The following PSMD1 variants were observed in gnomAD, a reference collection of about 807,000 sequenced individuals.
PSMD1 encodes the protein proteasome 26S subunit, non-ATPase 1.
PSMD1 carries 18 observed loss-of-function variants against 119.0 expected under a neutral mutation model. That is an observed-to-expected ratio of 0.15 (90% CI 0.10 to 0.22). The LOEUF is 0.22. Among genes scored for constraint, PSMD1 ranks in the 10% least tolerant of loss-of-function variants. The probability of loss-of-function intolerance (pLI) is 1.00; values close to 1 mark genes in which losing one functional copy is unlikely to be tolerated. For synonymous variants in PSMD1, 374 were observed against 396.6 expected, an observed-to-expected ratio of 0.94 and a Z score of 0.68; for missense variants, 702 against 1,158.5, an observed-to-expected ratio of 0.61 and a Z score of 5.72.
At chr2:231,104,068 A>G (rs578107574) in intron 16 of PSMD1, among the ~76,000 whole-genome samples, 2 of 149,726 alleles carry the variant, frequency 1.3e-5, no homozygotes, top group Admixed American at 1.3e-4. Context: ...CATCCTACTC[A>G]TGTTTGACTC....
chr2:231,068,846 CT>C (rs1349373413), intron 5 of PSMD1, among the ~76,000 whole-genome samples: 4 of 152,076 alleles, frequency 2.6e-5, no homozygotes, highest in Non-Finnish European at 5.9e-5. Context: ...AAACTGCTTC[CT>C]TTAATTGAAA....
intron 16 of PSMD1, among the ~76,000 whole-genome samples, chr2:231,094,353 A>G (rs1694674734): frequency 6.6e-6 from 1 of 152,180 alleles, no homozygotes; most frequent in Non-Finnish European, 1.5e-5. Flanking sequence ...GTTCATTGCC[A>G]TAAGCCAATG....
intron 19 of PSMD1, among the ~76,000 whole-genome samples, chr2:231,160,141 T>C (rs1224652420): frequency 6.6e-6 from 1 of 152,238 alleles, no homozygotes; most frequent in Non-Finnish European, 1.5e-5. Context: ...GCAGCTCTGA[T>C]TTCATTCCTT....
chr2:231,095,855 T>C (rs1694711367), intron 16 of PSMD1, among the ~76,000 whole-genome samples: 1 of 152,244 alleles, frequency 6.6e-6, no homozygotes, highest in African/African-American at 2.4e-5. Context: ...CCAGACCTTT[T>C]GGGAATGACG....
chr2:231,150,242 G>T (rs1242570525), intron 18 of PSMD1, among the ~76,000 whole-genome samples: 1 of 152,042 alleles, frequency 6.6e-6, no homozygotes, highest in East Asian at 1.9e-4. Flanking sequence ...AGCTACTTGG[G>T]AGGCTGAGGC....
At chr2:231,119,526 A>C (rs1449593704) in intron 16 of PSMD1, among the ~76,000 whole-genome samples, 1 of 152,150 alleles carries the variant, frequency 6.6e-6, no homozygotes, top group Admixed American at 6.5e-5. Context: ...ATACTCTTTC[A>C]GCTATACCAC....
intron 6 of PSMD1, among the ~76,000 whole-genome samples, chr2:231,071,960 A>T (rs1264184709): frequency 6.6e-6 from 1 of 152,232 alleles, no homozygotes. Flanking sequence ...GCACAGCATT[A>T]AGAGTTATAA....
chr2:231,123,791 G>A lies in PSMD1; in HGVS notation c.1884-14945G>A, dbSNP rs370358339. 2.6e-5 allele frequency: 40 copies of A among 1,511,906 alleles called. 1 individual carries two copies. The highest frequency in any genetic ancestry group is 2.4e-4 in the South Asian group (21 of 88,866). 93.7% of individuals were successfully genotyped at this position (1,511,906 alleles called of 1,614,324 possible). A position where few individuals can be genotyped will look rare whatever the true frequency, so the allele number is the denominator to read the frequency against. ...TGCTGTTTTTCTGTGATTCAATCCC[G>A]TTCCGAACAGTGGTCAGCATGGTTA... On this transcript the variant is annotated intron_variant, in intron 16 of 24. Transcript: ENST00000308696.
At chr2:231,137,450 A>C (rs1696001756) in intron 16 of PSMD1, among the ~76,000 whole-genome samples, 1 of 152,174 alleles carries the variant, frequency 6.6e-6, no homozygotes, top group South Asian at 2.1e-4. Context: ...GTTTTGTCTC[A>C]GTAAATGTTT....
At chr2:231,127,159 G>C (rs1695743248) in intron 16 of PSMD1, among the ~76,000 whole-genome samples, 1 of 151,540 alleles carries the variant, frequency 6.6e-6, no homozygotes, top group Non-Finnish European at 1.5e-5. Context: ...ATTCATGTGA[G>C]ACAATTTTAA....
intron 11 of PSMD1, 61 bp from the exon 12 acceptor site, chr2:231,080,080 C>A: frequency 7.0e-7 from 1 of 1,428,158 alleles, no homozygotes; most frequent in South Asian, 1.4e-5. Flanking sequence ...TCATAGAAAA[C>A]ATTGTCTTTT....
At chr2:231,100,467 A>G (rs1694837900) in intron 16 of PSMD1, among the ~76,000 whole-genome samples, 1 of 152,198 alleles carries the variant, frequency 6.6e-6, no homozygotes, top group Non-Finnish European at 1.5e-5. Context: ...AGCAGGTAGC[A>G]GGTAATTGGA....
intron 12 of PSMD1, among the ~76,000 whole-genome samples, chr2:231,081,188 G>A (rs1441049659): frequency 6.8e-6 from 1 of 147,648 alleles, no homozygotes; most frequent in Non-Finnish European, 1.5e-5. Flanking sequence ...ATAGGATGAT[G>A]TCTCAATTAA....
At chr2:231,151,641 C>CT (rs150015530) in intron 18 of PSMD1, among the ~76,000 whole-genome samples, 3,639 of 151,818 alleles carry the variant, frequency 0.024, 146 homozygotes, top group African/African-American at 0.084. Context: ...ACATTCAGTG[C>CT]TTTGTTCTAT....
intron 17 of PSMD1, among the ~76,000 whole-genome samples, chr2:231,144,082 ATTTTTCT>A (rs1029532677): frequency 5.0e-4 from 76 of 151,888 alleles, no homozygotes; most frequent in African/African-American, 1.6e-3. Flanking sequence ...GTTTATTACT[ATTTTTCT>A]TTTTTCTTTT....
intron 21 of PSMD1, 89 bp downstream of exon 21, chr2:231,163,816 TTAAAAG>T (rs1468219890): frequency 1.1e-6 from 1 of 939,120 alleles, no homozygotes; most frequent in Non-Finnish European, 1.6e-6. Flanking sequence ...CTTTTATGTT[TTAAAAG>T]TAACACTTCT....
At chr2:231,108,618 G>A (rs372246787) in intron 16 of PSMD1, 33 of 1,613,746 alleles carry the variant, frequency 2.0e-5, no homozygotes, top group East Asian at 1.6e-4. Flanking sequence ...GTTGAACTTC[G>A]GAGCCTCATT....
chr2:231,141,531 G>GC (rs1405615635), intron 17 of PSMD1, among the ~76,000 whole-genome samples: 1 of 149,168 alleles, frequency 6.7e-6, no homozygotes, highest in African/African-American at 2.5e-5. Flanking sequence ...CCAGTCTTAA[G>GC]CAAGCCTCCC....
At chr2:231,081,375 G>C (rs1019949229) in intron 12 of PSMD1, among the ~76,000 whole-genome samples, 43 of 152,228 alleles carry the variant, frequency 2.8e-4, no homozygotes, top group African/African-American at 1.0e-3. Flanking sequence ...ACTTGAATAA[G>C]AAGTTTATTG....
Sources: gnomAD v4.1 joint callset for allele counts (sites outside exome capture counted in the v4.1 genomes callset) on GRCh38, gnomAD v4.1.1 for gene constraint, MANE v1.5 for transcripts, NCBI Gene and HGNC (gene_info 2026-07-23, HGNC 2026-07-21) for gene names.